Variants in RALYL observed in about 807,000 individuals in gnomAD.
The protein encoded by RALYL is RALY RNA binding protein like.
Under a neutral mutation model 35.1 loss-of-function variants are expected in RALYL, and 29 were observed. The observed-to-expected ratio is 0.83, with a 90% confidence interval of 0.61 to 1.13. RALYL has a LOEUF of 1.13. Among genes scored for constraint, RALYL ranks in the 50% most tolerant of loss-of-function variants. RALYL has a pLI of 0.00. For missense variants in RALYL, 359 were observed against 360.4 expected (o/e 1.00, Z 0.03); for synonymous variants, 120 against 127.6 (o/e 0.94, Z 0.40).
At chr8:84,189,699 T>C (rs1184497721) in intron 1 of RALYL, among the ~76,000 whole-genome samples, 2 of 151,820 alleles carry the variant, frequency 1.3e-5, no homozygotes, top group Non-Finnish European at 2.9e-5. Context: ...CCTACACAGA[T>C]ATGCTTCATT....
intron 2 of RALYL, among the ~76,000 whole-genome samples, chr8:84,681,829 A>T (rs1026040964): frequency 7.9e-5 from 12 of 152,252 alleles, no homozygotes; most frequent in Admixed American, 4.6e-4. Context: ...AATACCCTTT[A>T]TTTCCTTTTT....
intron 8 of RALYL, among the ~76,000 whole-genome samples, chr8:84,913,030 G>A (rs62526874): frequency 0.22 from 16,377 of 74,652 alleles, 1,257 homozygotes; most frequent in African/African-American, 0.29. Context: ...ATGGATGGAT[G>A]GATAGGTAGG....
Position 84,598,551 on chromosome 8 carries a change from A to T in RALYL, c.256+68974A>T, listed in dbSNP as rs1452235227. Among the ~76,000 whole-genome samples, 7 of 151,910 alleles carry T rather than the reference A, an allele frequency of 4.6e-5. No individual in the cohort carries two copies. The East Asian group carries it at 1.4e-3, about 29-fold the overall frequency. On this transcript the variant is annotated intron_variant, in intron 2 of 8. Transcript: ENST00000521268. ...CCATCAATACTTGGAAAAGGATCTCATTTTTTTTAATCCTCAGCAAATATC... is the reference window on the plus strand; with the variant it reads ...CCATCAATACTTGGAAAAGGATCTCTTTTTTTTTAATCCTCAGCAAATATC...
intron 2 of RALYL, among the ~76,000 whole-genome samples, chr8:84,544,220 A>G (rs931335584): frequency 2.6e-5 from 4 of 152,022 alleles, no homozygotes; most frequent in Non-Finnish European, 4.4e-5. Flanking sequence ...TTAATTTTTT[A>G]CAACCATATA....
rs1350819770 is a variant in RALYL at position 84,710,619 on chromosome 8, A to T, written c.257-63960A>T. 2.6e-5 allele frequency among the ~76,000 whole-genome samples: 4 copies of T among 151,816 alleles called. No homozygotes were observed. In the East Asian group the frequency reaches 7.7e-4, roughly 29 times the overall value. ...ACTCGGCCTCAGTTCATATATTGTA[A>T]TTTTTCTTAAAATTTCTATATTCTG... On this transcript the variant is annotated intron_variant, in intron 2 of 8. Transcript: ENST00000521268.
intron 1 of RALYL, among the ~76,000 whole-genome samples, chr8:84,426,853 G>T (rs2046537320): frequency 6.6e-6 from 1 of 152,052 alleles, no homozygotes; most frequent in Admixed American, 6.6e-5. Context: ...GCATGCTGTT[G>T]GTGGCAATGA....
At chr8:84,671,214 C>A (rs373065839) in intron 2 of RALYL, among the ~76,000 whole-genome samples, 145 of 152,272 alleles carry the variant, frequency 9.5e-4, no homozygotes, top group African/African-American at 3.2e-3. Flanking sequence ...GAGGTGGGCT[C>A]CCACAGTCTT....
rs566445494 is a variant in RALYL, at chr8:84,730,449, G to T, written c.257-44130G>T. ...TATCATACTGAATGGGCAAAAACTG[G>T]AAGCATTCCCTTTGAAAACTGGCAC... On this transcript the variant is annotated intron_variant, in intron 2 of 8. Transcript: ENST00000521268. Among the ~76,000 whole-genome samples, 840 of 152,172 alleles carry T rather than the reference G, an allele frequency of 5.5e-3. 5 individuals are homozygous for T. Among genetic ancestry groups the T allele is most frequent in the Admixed American group, 0.01 (156 of 15,268 alleles).
At chr8:84,224,372 G>T (rs1243934821) in intron 1 of RALYL, among the ~76,000 whole-genome samples, 4 of 152,098 alleles carry the variant, frequency 2.6e-5, no homozygotes, top group South Asian at 4.1e-4. Context: ...TATTTGCACC[G>T]GTGGGAGACT....
At chr8:84,850,596 A>G (rs1477271303) in intron 5 of RALYL, among the ~76,000 whole-genome samples, 1 of 152,238 alleles carries the variant, frequency 6.6e-6, no homozygotes, top group Admixed American at 6.5e-5. Flanking sequence ...AACTAATGGG[A>G]AACTATAGTA....
chr8:84,222,626 AT>A (rs1822531215), intron 1 of RALYL, among the ~76,000 whole-genome samples: 1 of 152,150 alleles, frequency 6.6e-6, no homozygotes, highest in Non-Finnish European at 1.5e-5. Context: ...TACCATTGAA[AT>A]TTATAAGTAA....
chr8:84,411,065 T>G (rs980761348), intron 1 of RALYL, among the ~76,000 whole-genome samples: 2 of 151,958 alleles, frequency 1.3e-5, no homozygotes, highest in Non-Finnish European at 2.9e-5. Context: ...CTTAAAAATG[T>G]AATAAACACC....
At chr8:84,599,187 C>T (rs1454172796) in intron 2 of RALYL, among the ~76,000 whole-genome samples, 1 of 151,966 alleles carries the variant, frequency 6.6e-6, no homozygotes, top group Non-Finnish European at 1.5e-5. Context: ...CTCTGCTTGC[C>T]ATTCTCTTTA....
chr8:84,256,022 T>G (rs117430005), intron 1 of RALYL, among the ~76,000 whole-genome samples: 2,888 of 152,228 alleles, frequency 0.019, 42 homozygotes, highest in South Asian at 0.031. Flanking sequence ...TCTGGGTGAT[T>G]GTAAAATAAA....
chr8:84,226,109 C>A (rs1392224985), intron 1 of RALYL, among the ~76,000 whole-genome samples: 1 of 152,158 alleles, frequency 6.6e-6, no homozygotes, highest in Non-Finnish European at 1.5e-5. Context: ...ACTGCCTTAG[C>A]TCCATCTCCT....
At chr8:84,208,605 T>A (rs1818660912) in intron 1 of RALYL, among the ~76,000 whole-genome samples, 1 of 152,148 alleles carries the variant, frequency 6.6e-6, no homozygotes, top group Admixed American at 6.5e-5. Flanking sequence ...CTGCCTATAA[T>A]TCCTGCCCTG....
chr8:84,191,866 T>A (rs1302956770), intron 1 of RALYL, among the ~76,000 whole-genome samples: 1 of 152,226 alleles, frequency 6.6e-6, no homozygotes, highest in Non-Finnish European at 1.5e-5. Flanking sequence ...CAAAATAATG[T>A]GAATTAAGTG....
At chr8:84,259,443 A>G (rs769488620) in intron 1 of RALYL, among the ~76,000 whole-genome samples, 2 of 152,136 alleles carry the variant, frequency 1.3e-5, no homozygotes, top group Non-Finnish European at 2.9e-5. Flanking sequence ...GTATGTAGGG[A>G]CAGGTATTAT....
intron 2 of RALYL, among the ~76,000 whole-genome samples, chr8:84,667,504 G>A (rs914284508): frequency 6.6e-6 from 1 of 152,100 alleles, no homozygotes; most frequent in African/African-American, 2.4e-5. Flanking sequence ...GGAAAATCAA[G>A]ATAAAGGCTT....
Sources: allele counts gnomAD v4.1 joint callset (sites outside exome capture counted in the v4.1 genomes callset), GRCh38; gene constraint gnomAD v4.1.1; transcripts MANE v1.5; gene names NCBI Gene and HGNC (gene_info 2026-07-23, HGNC 2026-07-21).